MAP2K2: variants seen among roughly 807,000 people sequenced by gnomAD.
MAP2K2 encodes dual specificity mitogen-activated protein kinase kinase 2.
MAP2K2 carries 24 observed loss-of-function variants against 43.7 expected under a neutral mutation model. The observed-to-expected ratio is 0.55, with a 90% confidence interval of 0.40 to 0.77. The LOEUF (loss-of-function observed/expected upper bound fraction) is 0.77, where lower values mean the gene tolerates loss of function less well. Ranked by LOEUF, MAP2K2 falls within the 30% of genes least tolerant of loss-of-function variation. The pLI is 0.00. For synonymous variants in MAP2K2, 244 were observed against 239.7 expected (o/e 1.02, Z -0.17); for missense variants, 470 against 566.8 (o/e 0.83, Z 1.73).
intron 3 of MAP2K2, chr19:4,102,822 G>A (rs41276858): frequency 0.089 from 108,692 of 1,215,150 alleles, 5,428 homozygotes; most frequent in Middle Eastern, 0.11. Context: ...CCTACGTGGT[G>A]GGCTTGTCTG....
chr19:4,119,346 G>A (rs551026277), intron 1 of MAP2K2, among the ~76,000 whole-genome samples: 2 of 151,896 alleles, frequency 1.3e-5, no homozygotes, highest in Non-Finnish European at 2.9e-5. Context: ...CTCAGCCTCC[G>A]AAGTAGCTGG....
At chr19:4,093,046 T>C in intron 10 of MAP2K2, among the ~76,000 whole-genome samples, 1 of 151,748 alleles carries the variant, frequency 6.6e-6, no homozygotes, top group Non-Finnish European at 1.5e-5. Flanking sequence ...CCATCTCTAC[T>C]AAAAATACAA....
intron 3 of MAP2K2, chr19:4,103,357 C>T: frequency 2.7e-6 from 2 of 742,002 alleles, no homozygotes; most frequent in Non-Finnish European, 3.3e-6. Context: ...GCCAAAACCC[C>T]AGGCACTGGG....
chr19:4,094,575 C>G, intron 9 of MAP2K2, 77 bp from the exon 10 acceptor site: 1 of 1,404,272 alleles, frequency 7.1e-7, no homozygotes, highest in East Asian at 2.5e-5. Context: ...CCCCGGGGCA[C>G]CCGCGTGTGG....
In MAP2K2 at chr19:4,119,080, G is replaced by A. The variant is rs1431577153; in HGVS notation, c.93-1451C>T. Among the ~76,000 whole-genome samples, 5 of 152,304 alleles carry A rather than the reference G, an allele frequency of 3.3e-5. No individual in the cohort carries two copies. The South Asian group carries it at 8.3e-4, about 25-fold the overall frequency. On this transcript the variant is annotated intron_variant, in intron 1 of 10. Coordinates refer to ENST00000262948, the MANE Select transcript of MAP2K2 (RefSeq NM_030662.4). The stretch of plus-strand genomic sequence containing the variant: ...GACAGGGTCCTGCTCTACCTCCCAA[G>A]CTGGGGTGCAGCGGCACGATTACAG...
chr19:4,095,019 G>A lies in MAP2K2; in HGVS notation c.1046+369C>T, dbSNP rs1259257349. ...GCTGGGTGCTTGGGGGCAGGAGAAT[G>A]GAGTGGGGCTGGCGACCCTCCCAGA... On this transcript the variant is annotated intron_variant, in intron 9 of 10. Coordinates refer to ENST00000262948, the MANE Select transcript of MAP2K2 (RefSeq NM_030662.4). The A allele has an allele frequency of 1.4e-5, 5 of 362,566 alleles. No homozygotes were observed. In the East Asian group the frequency reaches 2.3e-4, roughly 17 times the overall value. 22.5% of individuals were successfully genotyped at this position (362,566 alleles called of 1,614,324 possible).
At chr19:4,105,218 T>C (rs1436332109) in intron 3 of MAP2K2, among the ~76,000 whole-genome samples, 1 of 149,974 alleles carries the variant, frequency 6.7e-6, no homozygotes, top group Non-Finnish European at 1.5e-5. Context: ...TTTAAAATGG[T>C]CTTGTAACTG....
chr19:4,117,394 A>C (rs2145079518), intron 2 of MAP2K2, 25 bp downstream of exon 2: 1 of 1,599,430 alleles, frequency 6.3e-7, no homozygotes. Flanking sequence ...CCACTCCCCG[A>C]CCTCCCCGAC....
rs562063391 is a variant in MAP2K2 at position 4,103,088 on chromosome 19, CA to C, written c.451-636del. 49 of 1,014,546 alleles carry C rather than the reference CA, an allele frequency of 4.8e-5. No homozygotes were observed. In the East Asian group the frequency reaches 4.3e-3, roughly 89 times the overall value. The allele number at this position is 1,014,546 out of a possible 1,614,324, so 62.8% of individuals were successfully genotyped here. A position where few individuals can be genotyped will look rare whatever the true frequency, so the allele number is the denominator to read the frequency against. ...GCAGAAAGGCCAGGCCGAGTAGGAC[CA>C]GGGGCCAGGGGGTGCATGGACTGCA... On this transcript the variant is annotated intron_variant, in intron 3 of 10. Coordinates refer to ENST00000262948, the MANE Select transcript of MAP2K2 (RefSeq NM_030662.4).
At chr19:4,102,586 A>G (rs946368341) in intron 3 of MAP2K2, 133 bp from the exon 4 acceptor site, 3 of 909,620 alleles carry the variant, frequency 3.3e-6, no homozygotes, top group Non-Finnish European at 5.2e-6. Context: ...AACTCCACCC[A>G]CGGGCCAAGG....
At position 4,097,325 on chromosome 19, in the gene MAP2K2, C is replaced by T. The variant is rs151133017; in HGVS notation, c.938G>A (p.Arg313Gln). 65 of 1,613,068 alleles carry T rather than the reference C, an allele frequency of 4.0e-5. No individual in the cohort carries two copies. The highest frequency in any genetic ancestry group is 6.6e-5 in the South Asian group (6 of 91,084). Reference protein sequence around the residue: ...RPVSGHGMDSRPAMAIFELLD... With the variant: ...RPVSGHGMDSQPAMAIFELLD... Reference sequence around the variant, plus strand: ...GAGTTCAAAGATGGCCATGGCAGGCCGGCTATCCATCCCGTGACCTGCACA... The same window carrying T: ...GAGTTCAAAGATGGCCATGGCAGGCTGGCTATCCATCCCGTGACCTGCACA... The change falls in exon 8 of 11, where the codon CGG becomes CAG. Residue 313 changes from arginine to glutamine, a missense_variant. By Grantham distance (43) the Arg-to-Gln change is conservative. Around this residue, in one of 3 missense-constraint regions of MAP2K2, gnomAD observed 212 missense variants for 220.8 expected, o/e 0.96. Transcript: ENST00000262948.
rs558789322 is a variant in MAP2K2 at position 4,114,840 on chromosome 19, G to A, written c.303+2579C>T. ...AGCCACTCAGGAGGCTAAGGGAGGA[G>A]AATCGCTTGAACCTGTGAGGTGGAG... On this transcript the variant is annotated intron_variant, in intron 2 of 10. Transcript: ENST00000262948. 2.6e-5 allele frequency among the ~76,000 whole-genome samples: 4 copies of A among 152,258 alleles called. No homozygotes were observed. In the East Asian group the frequency reaches 7.7e-4, roughly 29 times the overall value.
chr19:4,110,356 T>A (rs1310186666), intron 3 of MAP2K2, among the ~76,000 whole-genome samples, 153 bp downstream of exon 3: 1 of 151,964 alleles, frequency 6.6e-6, no homozygotes, highest in Non-Finnish European at 1.5e-5. Context: ...TACATATACA[T>A]ACTTGTATGG....
chr19:4,099,094 C>G, intron 7 of MAP2K2, 107 bp downstream of exon 7: 1 of 922,286 alleles, frequency 1.1e-6, no homozygotes, highest in Non-Finnish European at 1.7e-6. Context: ...TCCAGGGGGA[C>G]AGGTGGTGCG....
chr19:4,095,203 G>A, intron 9 of MAP2K2, 185 bp downstream of exon 9: 2 of 592,966 alleles, frequency 3.4e-6, no homozygotes, highest in Non-Finnish European at 6.1e-6. Context: ...GGATGGCATG[G>A]CAGCCGGGAG....
At chr19:4,111,680 G>GTTC (rs2041154896) in intron 2 of MAP2K2, among the ~76,000 whole-genome samples, 1 of 152,216 alleles carries the variant, frequency 6.6e-6, no homozygotes, top group Non-Finnish European at 1.5e-5. Flanking sequence ...AGGAGGCCTG[G>GTTC]TGTGTGGCTC....
rs539611844 is a variant in MAP2K2 at position 4,101,152 on chromosome 19, G to T, written c.581-9C>A. On this transcript the variant is annotated splice_polypyrimidine_tract_variant and intron_variant, in intron 5 of 10. Transcript: ENST00000262948. The surrounding 1 kb of genome is among the most constrained non-coding windows in gnomAD (Gnocchi z 6.3). ...GTTGGAGGGCTTCACATCTGGAGGC[G>T]GCAGGCTGCGGGTGAGGGGCGCCCA... 6.2e-7 allele frequency: 1 copy of T among 1,606,970 alleles called. No homozygotes were observed. The highest frequency in any genetic ancestry group is 1.1e-5 in the South Asian group (1 of 89,618).
At chr19:4,123,736 T>G in intron 1 of MAP2K2, 48 bp downstream of exon 1, 1 of 1,292,938 alleles carries the variant, frequency 7.7e-7, no homozygotes, top group Non-Finnish European at 1.0e-6. Context: ...CCCCGAGGGC[T>G]CCCTGCCCCG....
At chr19:4,112,036 C>T (rs2041161234) in intron 2 of MAP2K2, among the ~76,000 whole-genome samples, 2 of 152,214 alleles carry the variant, frequency 1.3e-5, no homozygotes, top group African/African-American at 4.8e-5. Context: ...TGGACAAGCC[C>T]CAGAAGAGCC....
Sources: allele counts gnomAD v4.1 joint callset (sites outside exome capture counted in the v4.1 genomes callset), GRCh38; gene constraint gnomAD v4.1.1; regional missense constraint gnomAD v4.1.1; non-coding constraint Gnocchi (gnomAD v3.1); transcripts MANE v1.5; gene names NCBI Gene and HGNC (gene_info 2026-07-23, HGNC 2026-07-21).